RNF115: variants seen among roughly 807,000 people sequenced by gnomAD.
RNF115 encodes the protein ring finger protein 115.
In RNF115, 31 loss-of-function variants were observed where a neutral mutation model predicts 39.2. The ratio of observed to expected loss-of-function variants is 0.79; its 90% CI spans 0.59 to 1.07. The LOEUF (loss-of-function observed/expected upper bound fraction) is 1.07. Ranked by LOEUF, RNF115 falls within the 50% of genes least tolerant of loss-of-function variation. The pLI, the probability that RNF115 is intolerant of heterozygous loss-of-function variation, is 0.00. For synonymous variants in RNF115, 124 were observed against 131.0 expected, an observed-to-expected ratio of 0.95 and a Z score of 0.37; for missense variants, 384 against 381.7, an observed-to-expected ratio of 1.01 and a Z score of -0.05.
At chr1:145,822,664 G>C (rs1650328148) in intron 1 of RNF115, among the ~76,000 whole-genome samples, 1 of 151,186 alleles carries the variant, frequency 6.6e-6, no homozygotes, top group African/African-American at 2.5e-5. Flanking sequence ...GGACAGGATT[G>C]ACATTCACTC....
chr1:145,766,982 G>C (rs1243985590), intron 4 of RNF115, among the ~76,000 whole-genome samples: 77 of 137,334 alleles, frequency 5.6e-4, no homozygotes, highest in African/African-American at 2.2e-3. Flanking sequence ...GTGGCTGGCC[G>C]GGCAGAGGGG....
intron 4 of RNF115, among the ~76,000 whole-genome samples, chr1:145,762,960 C>T (rs1427494777): frequency 6.6e-6 from 1 of 152,018 alleles, no homozygotes; most frequent in Non-Finnish European, 1.5e-5. Flanking sequence ...ACATTGGGTA[C>T]ACAAGGACAC....
intron 1 of RNF115, among the ~76,000 whole-genome samples, chr1:145,799,136 C>T (rs587734271): frequency 2.3e-4 from 34 of 151,004 alleles, no homozygotes; most frequent in African/African-American, 7.3e-4. Flanking sequence ...GGCGCAATCT[C>T]GGCTCACTGC....
At chr1:145,800,751 TC>T (rs1553720778) in intron 1 of RNF115, among the ~76,000 whole-genome samples, 1 of 152,190 alleles carries the variant, frequency 6.6e-6, no homozygotes, top group Admixed American at 6.5e-5. Context: ...GGGAGAAGTG[TC>T]CAGCTGAACC....
chr1:145,786,928 C>G (rs2101564678), intron 2 of RNF115: 2 of 519,692 alleles, frequency 3.8e-6, no homozygotes, highest in South Asian at 3.2e-5. Flanking sequence ...AAATAGATCC[C>G]ATGCCACATA....
intron 4 of RNF115, among the ~76,000 whole-genome samples, chr1:145,763,899 TCC>T (rs1658634678): frequency 2.3e-5 from 1 of 43,250 alleles, no homozygotes; most frequent in Non-Finnish European, 5.0e-5. Context: ...CCCCTCCCCC[TCC>T]CCCTCTCCCT....
At chr1:145,768,562 T>C (rs1647489558) in intron 4 of RNF115, among the ~76,000 whole-genome samples, 1 of 152,132 alleles carries the variant, frequency 6.6e-6, no homozygotes, top group Non-Finnish European at 1.5e-5. Context: ...GTGATCCACC[T>C]GCCTCGGCCT....
chr1:145,800,820 T>G (rs1279694999), intron 1 of RNF115, among the ~76,000 whole-genome samples: 1 of 152,164 alleles, frequency 6.6e-6, no homozygotes, highest in East Asian at 1.9e-4. Flanking sequence ...AGCCACTACA[T>G]TTTGGATAGA....
At chr1:145,761,146 C>T (rs587633448) in intron 4 of RNF115, among the ~76,000 whole-genome samples, 5 of 152,218 alleles carry the variant, frequency 3.3e-5, no homozygotes, top group Non-Finnish European at 7.4e-5. Flanking sequence ...GTGCTGTTAA[C>T]CAGTTTTATA....
At chr1:145,781,006 C>G (rs1648117445) in intron 3 of RNF115, among the ~76,000 whole-genome samples, 1 of 151,914 alleles carries the variant, frequency 6.6e-6, no homozygotes, top group Non-Finnish European at 1.5e-5. Flanking sequence ...ATAGCAATGT[C>G]TTCTCTCTAC....
At chr1:145,799,079 T>A (rs1649109061) in intron 1 of RNF115, among the ~76,000 whole-genome samples, 1 of 151,878 alleles carries the variant, frequency 6.6e-6, no homozygotes, top group Admixed American at 6.6e-5. Flanking sequence ...TTTCTTTTTT[T>A]TTTTTTTTAG....
At chr1:145,748,566 C>A (rs1303185341) in intron 7 of RNF115, among the ~76,000 whole-genome samples, 2 of 152,298 alleles carry the variant, frequency 1.3e-5, no homozygotes, top group East Asian at 3.9e-4. Flanking sequence ...TTGCCACTTT[C>A]ACCATGCTCT....
intron 1 of RNF115, among the ~76,000 whole-genome samples, chr1:145,813,696 T>C (rs1649834837): frequency 1.3e-5 from 2 of 151,938 alleles, no homozygotes; most frequent in African/African-American, 4.8e-5. Flanking sequence ...TTGCCTAAAA[T>C]TATACGGTCT....
intron 1 of RNF115, among the ~76,000 whole-genome samples, chr1:145,799,087 T>TA (rs1553720484): frequency 6.6e-6 from 1 of 151,452 alleles, no homozygotes; most frequent in Non-Finnish European, 1.5e-5. Flanking sequence ...TTTTTTTTTT[T>TA]AGATGGAGTG....
intron 1 of RNF115, among the ~76,000 whole-genome samples, chr1:145,819,669 G>A (rs1174628270): frequency 7.2e-5 from 11 of 152,072 alleles, no homozygotes; most frequent in Non-Finnish European, 1.0e-4. Context: ...AGAAAACTCC[G>A]GGCCAATATC....
intron 4 of RNF115, among the ~76,000 whole-genome samples, chr1:145,764,711 G>C (rs1235124025): frequency 6.6e-6 from 1 of 151,780 alleles, no homozygotes; most frequent in Admixed American, 6.6e-5. Context: ...AGGGAGGTGG[G>C]GGGTCAGCCC....
chr1:145,789,362 A>T (rs1329324632), intron 1 of RNF115, among the ~76,000 whole-genome samples: 2 of 151,794 alleles, frequency 1.3e-5, no homozygotes, highest in Non-Finnish European at 2.9e-5. Flanking sequence ...CAGCCTCCCA[A>T]AGTGCTGGAA....
At chr1:145,753,397 A>G (rs1465257766) in intron 4 of RNF115, among the ~76,000 whole-genome samples, 1 of 152,030 alleles carries the variant, frequency 6.6e-6, no homozygotes, top group Admixed American at 6.6e-5. Context: ...CTCTGGACCC[A>G]CCTCCCTTTA....
chr1:145,809,274 C>G (rs2101600597), intron 1 of RNF115, among the ~76,000 whole-genome samples: 2 of 151,294 alleles, frequency 1.3e-5, no homozygotes, highest in South Asian at 2.1e-4. Context: ...GCAACCTCCA[C>G]CTCCTGGGTT....
Sources: gnomAD v4.1 joint callset for allele counts (sites outside exome capture counted in the v4.1 genomes callset) on GRCh38, gnomAD v4.1.1 for gene constraint, MANE v1.5 for transcripts, NCBI Gene and HGNC (gene_info 2026-07-23, HGNC 2026-07-21) for gene names.